Variants in ZNRF1 observed in about 807,000 individuals in gnomAD.
ZNRF1 encodes the protein E3 ubiquitin-protein ligase ZNRF1.
Under a neutral mutation model 18.4 loss-of-function variants are expected in ZNRF1, and 3 were observed. The ratio of observed to expected loss-of-function variants is 0.16; its 90% CI spans 0.07 to 0.42. The LOEUF (loss-of-function observed/expected upper bound fraction) is 0.42, where lower values mean the gene tolerates loss of function less well. ZNRF1 is among the 10% of genes least tolerant of loss of function. The pLI, the probability that ZNRF1 is intolerant of heterozygous loss-of-function variation, is 0.99. For missense variants in ZNRF1, 310 were observed against 329.8 expected (o/e 0.94, Z 0.47); for synonymous variants, 157 against 144.2 (o/e 1.09, Z -0.64).
intron 3 of ZNRF1, 193 bp from the exon 4 acceptor site, chr16:75,106,289 A>T: frequency 1.7e-6 from 1 of 602,646 alleles, no homozygotes; most frequent in Non-Finnish European, 3.0e-6. Flanking sequence ...CTGGGCCAAG[A>T]CTAGTCTTGG....
chr16:75,072,051 A>G (rs1323998667), intron 1 of ZNRF1, among the ~76,000 whole-genome samples: 2 of 151,130 alleles, frequency 1.3e-5, no homozygotes, highest in African/African-American at 4.9e-5. Context: ...CAGTCCTCCC[A>G]CTTCAGCCTC....
Position 75,104,794 on chromosome 16 carries a change from G to A in ZNRF1, c.531G>A (p.Leu177=). 6.2e-7 allele frequency: 1 copy of A among 1,606,508 alleles called. No individual in the cohort carries two copies. Among genetic ancestry groups the A allele is most frequent in the Non-Finnish European group, 8.5e-7 (1 of 1,177,362 alleles). ...CTGTCCCCCTTGCAGATGATGTGCTGACTAAAGACGCGGGTGAGTGTGTGA... is the reference window on the plus strand; with the variant it reads ...CTGTCCCCCTTGCAGATGATGTGCTAACTAAAGACGCGGGTGAGTGTGTGA... The part of the protein sequence containing the change: ...KPRLSYNDDV[L]TKDAGECVIC... Residue 177 remains leucine, a synonymous_variant, in exon 3 of 5, where the codon CTG becomes CTA. Transcript: ENST00000335325.
At chr16:75,095,640 C>G in intron 2 of ZNRF1, 3 of 1,550,104 alleles carry the variant, frequency 1.9e-6, no homozygotes, top group Non-Finnish European at 2.6e-6. Context: ...CCTGAGAAAA[C>G]CTGGCTCTCA....
chr16:75,077,393 G>T (rs548205031), intron 1 of ZNRF1, among the ~76,000 whole-genome samples: 1 of 152,192 alleles, frequency 6.6e-6, no homozygotes, highest in Non-Finnish European at 1.5e-5. Flanking sequence ...TTAGCCAGGC[G>T]TGGTGGTGTA....
chr16:75,049,449 C>G (rs1260638997), intron 1 of ZNRF1, among the ~76,000 whole-genome samples: 1 of 152,062 alleles, frequency 6.6e-6, no homozygotes, highest in African/African-American at 2.4e-5. Flanking sequence ...GCCTCAGCCT[C>G]CCGAGCAGCT....
In ZNRF1 at chr16:75,058,155, C is replaced by CG. The variant is rs532331182; in HGVS notation, c.425-35410dup. 3.9e-4 allele frequency among the ~76,000 whole-genome samples: 57 copies of CG among 145,376 alleles called. 1 individual carries two copies. Among genetic ancestry groups the CG allele is most frequent in the South Asian group, 2.0e-3 (9 of 4,596 alleles). On this transcript the variant is annotated intron_variant, in intron 1 of 4. Transcript: ENST00000335325. The stretch of plus-strand genomic sequence containing the variant: ...TTATGTTATTTTATTATTTTAGAGA[C>CG]GGGGGGGTGGTCTCACTATGTTGTC...
At chr16:75,096,060 A>G (rs11641966) in intron 2 of ZNRF1, among the ~76,000 whole-genome samples, 23,173 of 85,888 alleles carry the variant, frequency 0.27, 2,264 homozygotes, top group East Asian at 0.56. Context: ...GTATGTGTGC[A>G]CGTGTGTGTG....
intron 1 of ZNRF1, among the ~76,000 whole-genome samples, chr16:75,058,029 TGA>T (rs1225201412): frequency 6.6e-6 from 1 of 152,102 alleles, no homozygotes; most frequent in Non-Finnish European, 1.5e-5. Context: ...ATATGAGGCC[TGA>T]GAGAGAACCG....
intron 1 of ZNRF1, among the ~76,000 whole-genome samples, chr16:75,057,797 C>T (rs970178664): frequency 2.2e-4 from 34 of 152,318 alleles, no homozygotes; most frequent in East Asian, 5.8e-4. Flanking sequence ...TGCACTACCA[C>T]ACCCAGCTAA....
intron 1 of ZNRF1, among the ~76,000 whole-genome samples, chr16:75,042,291 G>A (rs767528687): frequency 6.6e-6 from 1 of 151,724 alleles, no homozygotes; most frequent in Non-Finnish European, 1.5e-5. Flanking sequence ...TGATGCTTTT[G>A]GTATATGTAA....
intron 1 of ZNRF1, among the ~76,000 whole-genome samples, chr16:75,068,899 A>G (rs2035835719): frequency 6.6e-6 from 1 of 151,620 alleles, no homozygotes. Flanking sequence ...CTCTTCTGTG[A>G]AATGGGCCAG....
intron 1 of ZNRF1, among the ~76,000 whole-genome samples, chr16:75,060,074 A>T (rs1286922930): frequency 4.6e-5 from 7 of 151,258 alleles, no homozygotes; most frequent in Admixed American, 4.6e-4. Context: ...TTTTTTTTTG[A>T]GGCGAGTCTC....
rs2036357708 is a variant in ZNRF1, at chr16:75,109,587, C to T, written c.*1887C>T. The T allele has an allele frequency of 6.5e-6, 1 of 152,790 alleles. No individual in the cohort carries two copies. The highest frequency in any genetic ancestry group is 2.4e-5 in the African/African-American group (1 of 41,466). The allele number at this position is 152,790 out of a possible 1,614,324, so 9.5% of individuals were successfully genotyped here. A position where few individuals can be genotyped will look rare whatever the true frequency, so the allele number is the denominator to read the frequency against. On this transcript the variant is annotated 3_prime_UTR_variant, in exon 5 of 5. Coordinates refer to ENST00000335325, the MANE Select transcript of ZNRF1 (RefSeq NM_032268.5). Reference sequence around the variant, plus strand: ...ACTCGGTGGTTCAGAGCCTGGGTCTCAGCGCGGGACCCGTCTGGGGTGAAG... The same window carrying T: ...ACTCGGTGGTTCAGAGCCTGGGTCTTAGCGCGGGACCCGTCTGGGGTGAAG...
chr16:75,020,311 GA>G (rs753724400), intron 1 of ZNRF1, among the ~76,000 whole-genome samples: 27 of 151,944 alleles, frequency 1.8e-4, no homozygotes, highest in Middle Eastern at 3.4e-3. Context: ...TATCTCCTGT[GA>G]ATGACATATA....
chr16:75,014,915 A>G (rs938998013), intron 1 of ZNRF1, among the ~76,000 whole-genome samples: 4 of 152,014 alleles, frequency 2.6e-5, no homozygotes, highest in African/African-American at 9.7e-5. Flanking sequence ...TTAATGTATT[A>G]ATATTGTATG....
chr16:75,071,546 A>C (rs780247704), intron 1 of ZNRF1, among the ~76,000 whole-genome samples: 2 of 152,128 alleles, frequency 1.3e-5, no homozygotes, highest in African/African-American at 2.4e-5. Context: ...GTCTTGAAAT[A>C]GGCAGTGGCT....
Position 75,109,486 on chromosome 16 carries a change from C to G in ZNRF1, c.*1786C>G, listed in dbSNP as rs1238362057. The G allele has an allele frequency of 6.5e-6, 1 of 152,868 alleles. No homozygotes were observed. Among genetic ancestry groups the G allele is most frequent in the African/African-American group, 2.4e-5 (1 of 41,460 alleles). The allele number at this position is 152,868 out of a possible 1,614,324, so 9.5% of individuals were successfully genotyped here. On this transcript the variant is annotated 3_prime_UTR_variant, in exon 5 of 5. Transcript: ENST00000335325. ...CTCCATCAGATGCTTCCAGAAGCAC[C>G]TACTCTGTGCAAGGGCATTCACAAC...
At chr16:75,049,350 C>G (rs9931820) in intron 1 of ZNRF1, among the ~76,000 whole-genome samples, 2 of 151,888 alleles carry the variant, frequency 1.3e-5, no homozygotes, top group Admixed American at 6.6e-5. Flanking sequence ...ATTTTTTAGA[C>G]CAGGTCTCGC....
At chr16:75,026,544 T>C (rs77214773) in intron 1 of ZNRF1, among the ~76,000 whole-genome samples, 1,527 of 152,338 alleles carry the variant, frequency 0.01, 14 homozygotes, top group Non-Finnish European at 0.013. Context: ...CTTCAGTGTT[T>C]GAACTCTTCC....
Sources: allele counts gnomAD v4.1 joint callset (sites outside exome capture counted in the v4.1 genomes callset), GRCh38; gene constraint gnomAD v4.1.1; transcripts MANE v1.5; gene names NCBI Gene and HGNC (gene_info 2026-07-23, HGNC 2026-07-21).